FSTL4: variants seen among roughly 807,000 people sequenced by gnomAD.
FSTL4 encodes the protein follistatin-related protein 4.
FSTL4 carries 28 observed loss-of-function variants against 78.2 expected under a neutral mutation model. That is an observed-to-expected ratio of 0.36 (90% confidence interval 0.27 to 0.49). The LOEUF is 0.49. FSTL4 is among the 20% of genes least tolerant of loss of function. The pLI, the probability that FSTL4 is intolerant of heterozygous loss-of-function variation, is 0.98. For synonymous variants in FSTL4, 422 were observed against 440.5 expected (o/e 0.96, Z 0.53); for missense variants, 922 against 1,084.9 (o/e 0.85, Z 2.11).
At chr5:133,712,037 C>T in the FSTL4 span, among the ~76,000 whole-genome samples, 4 of 152,174 alleles carry the variant, frequency 2.6e-5, no homozygotes, top group Non-Finnish European at 4.4e-5. Context: ...TTGCACTATT[C>T]TCTCCATCCC....
the FSTL4 span, among the ~76,000 whole-genome samples, chr5:133,820,171 C>G: frequency 6.6e-6 from 1 of 152,178 alleles, no homozygotes; most frequent in Non-Finnish European, 1.5e-5. Context: ...GCCTCCTCCC[C>G]CAGAAGTCCT....
the FSTL4 span, among the ~76,000 whole-genome samples, chr5:133,746,236 C>T: frequency 2.0e-5 from 3 of 152,130 alleles, no homozygotes; most frequent in African/African-American, 7.2e-5. Context: ...CAAAAGCAAA[C>T]AATATATTAC....
the FSTL4 span, among the ~76,000 whole-genome samples, chr5:133,659,769 T>C: frequency 6.6e-6 from 1 of 152,104 alleles, no homozygotes; most frequent in East Asian, 1.9e-4. Flanking sequence ...TTTTTATTCT[T>C]CTAGGAGTTG....
intron 4 of FSTL4, among the ~76,000 whole-genome samples, chr5:133,372,272 T>TGTATGTATGTATG (rs1179955818): frequency 7.1e-6 from 1 of 141,694 alleles, no homozygotes; most frequent in Admixed American, 7.0e-5. Context: ...TATGTATGTA[T>TGTATGTATGTATG]CTATCTATCT....
intron 2 of FSTL4, among the ~76,000 whole-genome samples, chr5:133,596,965 CAAGAGAGAGGCGAGGCTGGTGGACAG>C (rs1158821890): frequency 1.9e-4 from 29 of 152,316 alleles, no homozygotes; most frequent in African/African-American, 6.7e-4. Flanking sequence ...GGCTACCCAT[CAAGAGAGAGGCGAGGCTGGTGGACAG>C]ATGGCTTCTC....
the FSTL4 span, among the ~76,000 whole-genome samples, chr5:133,701,650 A>T: frequency 1.3e-5 from 2 of 152,124 alleles, no homozygotes; most frequent in Non-Finnish European, 2.9e-5. Context: ...ACACCTTCTG[A>T]TTGGTACCTT....
At chr5:133,663,244 A>C in the FSTL4 span, among the ~76,000 whole-genome samples, 1 of 152,194 alleles carries the variant, frequency 6.6e-6, no homozygotes, top group Non-Finnish European at 1.5e-5. Context: ...GGTGAAATCC[A>C]AATAAGGTCT....
intron 3 of FSTL4, among the ~76,000 whole-genome samples, chr5:133,466,958 GTA>G (rs1390383675): frequency 1.5e-5 from 2 of 132,968 alleles, no homozygotes; most frequent in Non-Finnish European, 3.0e-5. Flanking sequence ...ACGAGTGACT[GTA>G]TGTGTGTGTA....
At chr5:133,395,599 A>G (rs1226746243) in intron 4 of FSTL4, among the ~76,000 whole-genome samples, 1 of 152,154 alleles carries the variant, frequency 6.6e-6, no homozygotes, top group Non-Finnish European at 1.5e-5. Flanking sequence ...CTTGGCACAC[A>G]AGGCCTTTCC....
chr5:133,454,981 G>A (rs1561723543), intron 3 of FSTL4, among the ~76,000 whole-genome samples: 2 of 152,224 alleles, frequency 1.3e-5, no homozygotes, highest in Admixed American at 6.5e-5. Flanking sequence ...GCCTTGTCTT[G>A]TTGACTCGGT....
intron 3 of FSTL4, among the ~76,000 whole-genome samples, chr5:133,509,940 T>A (rs1758690739): frequency 6.6e-6 from 1 of 152,220 alleles, no homozygotes; most frequent in South Asian, 2.1e-4. Flanking sequence ...ACCACAGAGC[T>A]CTAGGGACAA....
chr5:133,796,425 A>T, the FSTL4 span, among the ~76,000 whole-genome samples: 1 of 152,164 alleles, frequency 6.6e-6, no homozygotes. Context: ...CTGGTCCAGC[A>T]TCCCAGAAAA....
the FSTL4 span, among the ~76,000 whole-genome samples, chr5:133,625,039 G>C: frequency 6.6e-6 from 1 of 151,434 alleles, no homozygotes; most frequent in African/African-American, 2.4e-5. Flanking sequence ...TTTCCATTAA[G>C]AATGTTTGTG....
intron 3 of FSTL4, among the ~76,000 whole-genome samples, chr5:133,499,415 C>G (rs1475833685): frequency 6.8e-6 from 1 of 147,392 alleles, no homozygotes; most frequent in Non-Finnish European, 1.5e-5. Context: ...CACACACACA[C>G]AGAGTGTGTG....
the FSTL4 span, among the ~76,000 whole-genome samples, chr5:133,763,500 C>T: frequency 2.6e-5 from 4 of 152,146 alleles, no homozygotes; most frequent in African/African-American, 4.8e-5. Flanking sequence ...GTCCCACAGC[C>T]CCTCTGAGCC....
At chr5:133,526,984 G>A (rs1759143324) in intron 3 of FSTL4, among the ~76,000 whole-genome samples, 1 of 152,112 alleles carries the variant, frequency 6.6e-6, no homozygotes, top group Non-Finnish European at 1.5e-5. Flanking sequence ...GCTGCCAGTT[G>A]TGTAAGTCCA....
rs202187434 is a variant in FSTL4, at chr5:133,225,627, C to T, written c.1177+31G>A. 222 of 1,513,102 alleles carry T rather than the reference C, an allele frequency of 1.5e-4. 2 individuals carry two copies. The highest frequency in any genetic ancestry group is 3.5e-4 in the African/African-American group (25 of 71,672). 93.7% of individuals were successfully genotyped at this position (1,513,102 alleles called of 1,614,324 possible). On this transcript the variant is annotated intron_variant, in intron 9 of 15. Transcript: ENST00000265342. This position sits in a 1 kb window ranked among gnomAD's most constrained non-coding sequence, Gnocchi z 4.6. ...CTCAGCTTGATTTGAATGGGAATAT[C>T]GCATAGACGTCTACCAAGGGCAGTT...
At chr5:133,267,627 T>C (rs1277377417) in intron 6 of FSTL4, among the ~76,000 whole-genome samples, 1 of 152,136 alleles carries the variant, frequency 6.6e-6, no homozygotes, top group Non-Finnish European at 1.5e-5. Context: ...GGTGTTGCTC[T>C]CCTGCCAGTG....
the FSTL4 span, among the ~76,000 whole-genome samples, chr5:133,667,760 A>G: frequency 6.6e-6 from 1 of 152,208 alleles, no homozygotes; most frequent in Non-Finnish European, 1.5e-5. Flanking sequence ...ATTACTTAGC[A>G]TCATCTGACA....
Sources: allele counts gnomAD v4.1 joint callset (sites outside exome capture counted in the v4.1 genomes callset), GRCh38; gene constraint gnomAD v4.1.1; non-coding constraint Gnocchi (gnomAD v3.1); transcripts MANE v1.5; gene names NCBI Gene and HGNC (gene_info 2026-07-23, HGNC 2026-07-21).